ARK2N: variants seen among roughly 807,000 people sequenced by gnomAD.
The protein encoded by ARK2N is arkadia (RNF111) N-terminal like PKA signaling regulator 2N, also known as protein ARK2N.
chr18:46,174,508 G>A, the ARK2N span, among the ~76,000 whole-genome samples: 1 of 151,970 alleles, frequency 6.6e-6, no homozygotes, highest in Non-Finnish European at 1.5e-5. Flanking sequence ...GGAACTCGCA[G>A]CCTGGATTGC....
the ARK2N span, among the ~76,000 whole-genome samples, chr18:46,200,372 A>T: frequency 2.6e-5 from 4 of 152,076 alleles, no homozygotes; most frequent in Admixed American, 2.6e-4. Context: ...CAGTGGCGCA[A>T]TCTTGGCTCA....
the ARK2N span, among the ~76,000 whole-genome samples, chr18:46,182,497 A>T: frequency 6.6e-6 from 1 of 152,102 alleles, no homozygotes; most frequent in Non-Finnish European, 1.5e-5. Flanking sequence ...TAATCTCAGC[A>T]CCTTGGGAGG....
At chr18:46,245,378 C>G in the ARK2N span, among the ~76,000 whole-genome samples, 1 of 151,674 alleles carries the variant, frequency 6.6e-6, no homozygotes, top group Non-Finnish European at 1.5e-5. Context: ...CCAGCCTGTC[C>G]AATATGGTGA....
chr18:46,264,625 G>A, the ARK2N span: 4 of 152,586 alleles, frequency 2.6e-5, no homozygotes, highest in African/African-American at 9.7e-5. Context: ...TGAGGGGTGG[G>A]TGCTCTGGGG....
the ARK2N span, among the ~76,000 whole-genome samples, chr18:46,198,667 C>T: frequency 4.4e-4 from 67 of 152,088 alleles, no homozygotes; most frequent in African/African-American, 1.5e-3. Context: ...TGGTGCATCT[C>T]GGCTCACTGC....
chr18:46,219,757 C>T, the ARK2N span, among the ~76,000 whole-genome samples: 727 of 152,232 alleles, frequency 4.8e-3, 9 homozygotes, highest in African/African-American at 0.016. Context: ...GTGTGAGCCA[C>T]CACGCCCGGC....
At chr18:46,221,849 T>C in the ARK2N span, among the ~76,000 whole-genome samples, 3 of 152,178 alleles carry the variant, frequency 2.0e-5, no homozygotes, top group Non-Finnish European at 2.9e-5. Flanking sequence ...AGATTGAATA[T>C]CAAAGGATTT....
chr18:46,174,707 G>C, the ARK2N span, among the ~76,000 whole-genome samples: 1 of 152,286 alleles, frequency 6.6e-6, no homozygotes, highest in East Asian at 1.9e-4. Flanking sequence ...CCCGGGCTGC[G>C]GGGGGAAGCG....
the ARK2N span, among the ~76,000 whole-genome samples, chr18:46,193,262 G>T: frequency 6.6e-6 from 1 of 152,038 alleles, no homozygotes; most frequent in Non-Finnish European, 1.5e-5. Flanking sequence ...TGGCAGTATT[G>T]GTTCTGTGAG....
chr18:46,183,473 T>G, the ARK2N span, among the ~76,000 whole-genome samples: 32 of 152,304 alleles, frequency 2.1e-4, no homozygotes, highest in African/African-American at 7.2e-4. Flanking sequence ...TAATATTTGG[T>G]TCCCTGTGAT....
At chr18:46,235,541 TG>T in the ARK2N span, among the ~76,000 whole-genome samples, 1 of 152,228 alleles carries the variant, frequency 6.6e-6, no homozygotes, top group Non-Finnish European at 1.5e-5. Context: ...CATAACTCCG[TG>T]AAGACACTGA....
chr18:46,230,409 C>T, the ARK2N span, among the ~76,000 whole-genome samples: 1 of 152,094 alleles, frequency 6.6e-6, no homozygotes, highest in Non-Finnish European at 1.5e-5. Flanking sequence ...CCTAGTGGCC[C>T]TCCCTTCGTT....
chr18:46,242,394 C>T, the ARK2N span, among the ~76,000 whole-genome samples: 2 of 152,188 alleles, frequency 1.3e-5, no homozygotes, highest in East Asian at 3.9e-4. Context: ...GCAAAGTTTG[C>T]GGTTTTAAAA....
chr18:46,265,978 T>A, the ARK2N span: 1 of 152,358 alleles, frequency 6.6e-6, no homozygotes, highest in Non-Finnish European at 1.5e-5. Context: ...AGCTGTTGCA[T>A]CATCATGACT....
chr18:46,245,585 A>AG, the ARK2N span, among the ~76,000 whole-genome samples: 927 of 151,512 alleles, frequency 6.1e-3, 12 homozygotes, highest in African/African-American at 0.021. Context: ...AAAAAAAAAA[A>AG]AAAGAAAGAA....
chr18:46,223,559 TA>T, the ARK2N span, among the ~76,000 whole-genome samples: 15 of 152,222 alleles, frequency 9.9e-5, no homozygotes, highest in Non-Finnish European at 2.1e-4. Flanking sequence ...TGCATCTTCA[TA>T]AAAGGCCACT....
chr18:46,208,130 C>T, the ARK2N span, among the ~76,000 whole-genome samples: 4 of 152,096 alleles, frequency 2.6e-5, no homozygotes, highest in Admixed American at 6.6e-5. Context: ...TAGAGTGGGC[C>T]CTTACTATTG....
the ARK2N span, among the ~76,000 whole-genome samples, chr18:46,181,057 C>T: frequency 5.9e-5 from 9 of 151,844 alleles, no homozygotes; most frequent in East Asian, 9.7e-4. Flanking sequence ...ATCAGGAGTT[C>T]GAAACCAGCC....
chr18:46,176,904 C>A, the ARK2N span, among the ~76,000 whole-genome samples: 2 of 152,278 alleles, frequency 1.3e-5, no homozygotes, highest in South Asian at 4.1e-4. Context: ...GTGTGAGCCA[C>A]CACGGCTGGC....
Sources: allele counts gnomAD v4.1 joint callset (sites outside exome capture counted in the v4.1 genomes callset), GRCh38; gene constraint gnomAD v4.1.1; transcripts MANE v1.5; gene names NCBI Gene and HGNC (gene_info 2026-07-23, HGNC 2026-07-21).